The following PTPRT variants were observed in gnomAD, a reference collection of about 807,000 sequenced individuals.
The protein encoded by PTPRT is protein tyrosine phosphatase receptor type T.
In PTPRT, 56 loss-of-function variants were observed where a neutral mutation model predicts 176.8. The ratio of observed to expected loss-of-function variants is 0.32; its 90% CI spans 0.26 to 0.40. The LOEUF is 0.40. Among genes scored for constraint, PTPRT ranks in the 10% least tolerant of loss-of-function variants. PTPRT has a pLI of 1.00. For synonymous variants in PTPRT, 783 were observed against 739.0 expected, an observed-to-expected ratio of 1.06 and a Z score of -0.96; for missense variants, 1,540 against 1,908.2, an observed-to-expected ratio of 0.81 and a Z score of 3.60.
intron 9 of PTPRT, among the ~76,000 whole-genome samples, chr20:42,428,934 A>C (rs2059191594): frequency 6.6e-6 from 1 of 151,704 alleles, no homozygotes; most frequent in Admixed American, 6.6e-5. Flanking sequence ...ACTCCTCCCC[A>C]CCCTACATCT....
intron 1 of PTPRT, among the ~76,000 whole-genome samples, chr20:43,141,898 C>T (rs1340300697): frequency 6.6e-6 from 1 of 152,166 alleles, no homozygotes; most frequent in East Asian, 1.9e-4. Context: ...AGCCATCCTA[C>T]AAGTTAGCAT....
chr20:42,568,850 C>A (rs2073093385), intron 7 of PTPRT, among the ~76,000 whole-genome samples: 1 of 151,346 alleles, frequency 6.6e-6, no homozygotes, highest in African/African-American at 2.4e-5. Context: ...GAGTTCAAGA[C>A]CAGCCTGGCC....
Position 42,525,299 on chromosome 20 carries a change from T to C in PTPRT, c.1154-52737A>G, listed in dbSNP as rs2072248865. Among the ~76,000 whole-genome samples, 3 of 152,236 alleles carry C rather than the reference T, an allele frequency of 2.0e-5. No homozygotes were observed. The South Asian group carries it at 6.2e-4, about 31-fold the overall frequency. ...TTGTTCCCGGCTCATCTTTTATTTCTGTAAATGTTTTAAATATTTTTTCCA... is the reference window on the plus strand; with the variant it reads ...TTGTTCCCGGCTCATCTTTTATTTCCGTAAATGTTTTAAATATTTTTTCCA... On this transcript the variant is annotated intron_variant, in intron 7 of 30. Transcript: ENST00000373187.
chr20:42,623,955 C>G (rs1038428250), intron 7 of PTPRT, among the ~76,000 whole-genome samples: 5 of 150,870 alleles, frequency 3.3e-5, no homozygotes, highest in African/African-American at 1.2e-4. Flanking sequence ...CACCTGAGCT[C>G]ATACCCTGCC....
intron 1 of PTPRT, among the ~76,000 whole-genome samples, chr20:42,944,514 C>T (rs1600580742): frequency 1.3e-5 from 2 of 152,290 alleles, no homozygotes; most frequent in Non-Finnish European, 2.9e-5. Context: ...AATTCTATTC[C>T]TCCAACCTTA....
At position 42,388,829 on chromosome 20, in the gene PTPRT, T is replaced by C. The variant is rs148921252; in HGVS notation, c.1561-36544A>G. Among the ~76,000 whole-genome samples, 823 of 152,314 alleles carry C rather than the reference T, an allele frequency of 5.4e-3. 5 individuals are homozygous for C. The highest frequency in any genetic ancestry group is 9.0e-3 in the Non-Finnish European group (609 of 68,032). ...TGCTATAAAGACGCATGCACACATATGTTTACTGCAGCACTATTCACTATG... is the reference window on the plus strand; with the variant it reads ...TGCTATAAAGACGCATGCACACATACGTTTACTGCAGCACTATTCACTATG... On this transcript the variant is annotated intron_variant, in intron 9 of 30. Transcript: ENST00000373187.
chr20:43,174,842 T>A lies in PTPRT; in HGVS notation c.88+14804A>T, dbSNP rs1017737686. 2.2e-4 allele frequency among the ~76,000 whole-genome samples: 34 copies of A among 152,210 alleles called. 1 individual carries two copies. Among genetic ancestry groups the A allele is most frequent in the African/African-American group, 7.7e-4 (32 of 41,454 alleles). On this transcript the variant is annotated intron_variant, in intron 1 of 30. Coordinates refer to ENST00000373187, the MANE Select transcript of PTPRT (RefSeq NM_007050.6). Reference sequence around the variant, plus strand: ...CATGAGTAGTGTCAAATAACAAAACTGATCCATTGGGAAAATATATTTTAA... The same window carrying A: ...CATGAGTAGTGTCAAATAACAAAACAGATCCATTGGGAAAATATATTTTAA...
chr20:42,417,056 T>C (rs2059072627), intron 9 of PTPRT, among the ~76,000 whole-genome samples: 1 of 152,124 alleles, frequency 6.6e-6, no homozygotes, highest in South Asian at 2.1e-4. Context: ...ACAGGGTGCA[T>C]AGAAGCTGGA....
At chr20:43,142,229 A>G (rs917875940) in intron 1 of PTPRT, among the ~76,000 whole-genome samples, 2 of 152,264 alleles carry the variant, frequency 1.3e-5, no homozygotes, top group Admixed American at 1.3e-4. Flanking sequence ...ACGGACTTGA[A>G]TGCTCAAATA....
intron 9 of PTPRT, among the ~76,000 whole-genome samples, chr20:42,373,586 C>A (rs542075624): frequency 1.4e-4 from 21 of 152,246 alleles, no homozygotes; most frequent in African/African-American, 4.1e-4. Context: ...TATAAATGAA[C>A]CTGTTGATAC....
chr20:42,530,713 CA>C (rs1420680450), intron 7 of PTPRT, among the ~76,000 whole-genome samples: 1 of 152,234 alleles, frequency 6.6e-6, no homozygotes, highest in Non-Finnish European at 1.5e-5. Context: ...ATCATCACCC[CA>C]GGCTGTCACT....
Position 42,257,970 on chromosome 20 carries a change from C to T in PTPRT, c.2177-9148G>A, listed in dbSNP as rs568584751. ...GCAAGCAGGAGAGCTGGGACATAGG[C>T]CCTGGCAGTCTAGCACAGAGATTAT... is the stretch of plus-strand genomic sequence containing the variant. On this transcript the variant is annotated intron_variant, in intron 13 of 30. Transcript: ENST00000373187. Among the ~76,000 whole-genome samples the T allele has an allele frequency of 4.6e-5, 7 of 152,154 alleles. No individual in the cohort carries two copies. In the South Asian group the frequency reaches 8.3e-4, roughly 18 times the overall value.
intron 1 of PTPRT, among the ~76,000 whole-genome samples, chr20:43,140,709 G>C (rs1386109414): frequency 2.6e-5 from 4 of 152,084 alleles, no homozygotes; most frequent in Non-Finnish European, 5.9e-5. Flanking sequence ...CCCCCATTCA[G>C]TGTTTCAGAT....
At chr20:42,509,863 G>GT (rs1485353542) in intron 7 of PTPRT, among the ~76,000 whole-genome samples, 1 of 152,036 alleles carries the variant, frequency 6.6e-6, no homozygotes, top group Non-Finnish European at 1.5e-5. Flanking sequence ...AAGTGTCTTG[G>GT]TAATTTTAAT....
chr20:42,278,651 T>C (rs149191836), intron 13 of PTPRT, among the ~76,000 whole-genome samples: 65 of 152,258 alleles, frequency 4.3e-4, no homozygotes, highest in African/African-American at 1.5e-3. Context: ...AGTTCTAGAA[T>C]TGAACAACTA....
chr20:43,153,694 G>A lies in PTPRT; in HGVS notation c.88+35952C>T, dbSNP rs191428904. Among the ~76,000 whole-genome samples the A allele has an allele frequency of 4.6e-3, 697 of 152,254 alleles. 3 individuals carry two copies. The highest frequency in any genetic ancestry group is 7.3e-3 in the Non-Finnish European group (497 of 68,024). On this transcript the variant is annotated intron_variant, in intron 1 of 30. Transcript: ENST00000373187. The stretch of plus-strand genomic sequence containing the variant: ...CCTCAAGAAAGTCTCAATAAAGGTC[G>A]CATGCTACCATGCCACTATTTGGGT...
intron 1 of PTPRT, among the ~76,000 whole-genome samples, chr20:42,889,541 G>A (rs1296334924): frequency 1.3e-5 from 2 of 152,194 alleles, no homozygotes; most frequent in African/African-American, 2.4e-5. Context: ...AATGGGGACC[G>A]TAAGGTCACT....
intron 2 of PTPRT, among the ~76,000 whole-genome samples, chr20:42,864,670 C>T (rs921528874): frequency 6.6e-6 from 1 of 152,172 alleles, no homozygotes; most frequent in Admixed American, 6.5e-5. Flanking sequence ...GCTATAGTGT[C>T]CCTGAACCTT....
At chr20:42,973,804 G>A (rs753458915) in intron 1 of PTPRT, among the ~76,000 whole-genome samples, 3 of 152,154 alleles carry the variant, frequency 2.0e-5, no homozygotes, top group Admixed American at 6.5e-5. Context: ...GGATATAACT[G>A]GGAAATAATT....
Sources: gnomAD v4.1 joint callset for allele counts (sites outside exome capture counted in the v4.1 genomes callset) on GRCh38, gnomAD v4.1.1 for gene constraint, MANE v1.5 for transcripts, NCBI Gene and HGNC (gene_info 2026-07-23, HGNC 2026-07-21) for gene names.